Variants in LMOD3 observed in about 807,000 individuals in gnomAD.
LMOD3 encodes leiomodin 3, also known as leiomodin-3.
In LMOD3, 31 loss-of-function variants were observed where a neutral mutation model predicts 41.8. The ratio of observed to expected loss-of-function variants is 0.74; its 90% CI spans 0.56 to 1.00. The LOEUF (loss-of-function observed/expected upper bound fraction) is 1.00. Ranked by LOEUF, LMOD3 falls within the 50% of genes least tolerant of loss-of-function variation. LMOD3 has a pLI of 0.00. For missense variants in LMOD3, 755 were observed against 679.5 expected (o/e 1.11, Z -1.23); for synonymous variants, 292 against 241.9 (o/e 1.21, Z -1.92).
chr3:69,110,374 T>C (rs112700223), intron 2 of LMOD3, among the ~76,000 whole-genome samples: 1,803 of 151,482 alleles, frequency 0.012, 27 homozygotes, highest in African/African-American at 0.042. Flanking sequence ...GGACTACAGG[T>C]GCATGCCACC....
At chr3:69,109,646 G>C (rs748583109) in intron 2 of LMOD3, among the ~76,000 whole-genome samples, 1 of 148,260 alleles carries the variant, frequency 6.7e-6, no homozygotes, top group Non-Finnish European at 1.5e-5. Flanking sequence ...TCCTGCCTCA[G>C]CCTCCCAAGT....
chr3:69,112,913 T>C (rs1039487723), intron 2 of LMOD3, among the ~76,000 whole-genome samples: 1 of 152,178 alleles, frequency 6.6e-6, no homozygotes. Flanking sequence ...ATAAAAAACC[T>C]TTTTTCCCAC....
chr3:69,118,423 T>G (rs1472977911), intron 2 of LMOD3, among the ~76,000 whole-genome samples: 3 of 152,162 alleles, frequency 2.0e-5, no homozygotes, highest in Non-Finnish European at 4.4e-5. Context: ...ATGAGTTAAT[T>G]CATATAACAA....
At chr3:69,111,611 T>A (rs1027227154) in intron 2 of LMOD3, among the ~76,000 whole-genome samples, 2 of 152,370 alleles carry the variant, frequency 1.3e-5, no homozygotes, top group African/African-American at 4.8e-5. Context: ...AGGATCTCAC[T>A]GTCACCCAGG....
In LMOD3 at chr3:69,108,896, C is replaced by T. The variant is rs997235035; in HGVS notation, c.*199G>A. On this transcript the variant is annotated 3_prime_UTR_variant, in exon 3 of 3. Coordinates refer to ENST00000420581, the MANE Select transcript of LMOD3 (RefSeq NM_198271.5). The stretch of plus-strand genomic sequence containing the variant: ...ATTGCCTCTAAATATTATATTTTAT[C>T]TCCTTCCACCTTCCTCTTCAGCCCC... 2.3e-6 allele frequency: 1 copy of T among 440,108 alleles called. No homozygotes were observed. Among genetic ancestry groups the T allele is most frequent in the African/African-American group, 2.0e-5 (1 of 49,472 alleles). 27.3% of individuals were successfully genotyped at this position (440,108 alleles called of 1,614,324 possible). A position where few individuals can be genotyped will look rare whatever the true frequency, so the allele number is the denominator to read the frequency against.
At position 69,118,927 on chromosome 3, in the gene LMOD3, C is replaced by T. The variant is rs367573665; in HGVS notation, c.1428G>A (p.Pro476=). The T allele has an allele frequency of 6.6e-5, 107 of 1,611,764 alleles. No individual in the cohort carries two copies. The highest frequency in any genetic ancestry group is 8.1e-5 in the Non-Finnish European group (95 of 1,179,548). The part of the protein sequence containing the change: ...SEMMKKPSQA[P]KYRTDPDSFR... ...AGGAGTCAGGGTCTGTCCTGTACTT[C>T]GGGGCCTGCGATGGCTTTTTCATCA... Residue 476 remains proline (P), a synonymous_variant, in exon 2 of 3, where the codon CCG becomes CCA. Coordinates refer to ENST00000420581, the MANE Select transcript of LMOD3 (RefSeq NM_198271.5).
At chr3:69,111,354 G>C (rs991557752) in intron 2 of LMOD3, among the ~76,000 whole-genome samples, 3 of 152,234 alleles carry the variant, frequency 2.0e-5, no homozygotes, top group East Asian at 1.9e-4. Flanking sequence ...TTTGAGAAGA[G>C]AGGGGTATGA....
chr3:69,118,286 A>G (rs760115683), intron 2 of LMOD3, among the ~76,000 whole-genome samples: 4 of 152,168 alleles, frequency 2.6e-5, no homozygotes, highest in African/African-American at 4.8e-5. Flanking sequence ...CCGGGTTTCA[A>G]TGTCAGCTCT....
In LMOD3 at chr3:69,109,161, C is replaced by T. The variant is rs2107519721; in HGVS notation, c.1657-40G>A. The T allele has an allele frequency of 2.5e-6, 4 of 1,582,662 alleles. No homozygotes were observed. The East Asian group carries it at 9.1e-5, about 36-fold the overall frequency. On this transcript the variant is annotated intron_variant, in intron 2 of 2. Coordinates refer to ENST00000420581, the MANE Select transcript of LMOD3 (RefSeq NM_198271.5). ...TTTGAGGAAACGGGGGAAATTAATC[C>T]TGGAAATTTAAGAGCTTTGCAGCAA...
chr3:69,113,523 A>G (rs2092358563), intron 2 of LMOD3, among the ~76,000 whole-genome samples: 1 of 152,236 alleles, frequency 6.6e-6, no homozygotes, highest in South Asian at 2.1e-4. Flanking sequence ...TAATCATAAC[A>G]ACCCCTAATG....
In LMOD3 at chr3:69,107,256, A is replaced by T. The variant is rs926904667; in HGVS notation, c.*1839T>A. On this transcript the variant is annotated 3_prime_UTR_variant, in exon 3 of 3. Transcript: ENST00000420581. ...ACTTTTGTACATACTAAATTATCTT[A>T]AAAAAATAGAAACGCCATATTTCTT... The T allele has an allele frequency of 5.3e-5, 8 of 151,976 alleles. No homozygotes were observed. The highest frequency in any genetic ancestry group is 4.6e-4 in the Admixed American group (7 of 15,258). The allele number at this position is 151,976 out of a possible 1,614,324, so 9.4% of individuals were successfully genotyped here.
intron 1 of LMOD3, among the ~76,000 whole-genome samples, chr3:69,121,565 G>A (rs2092407805): frequency 6.6e-6 from 1 of 152,196 alleles, no homozygotes; most frequent in African/African-American, 2.4e-5. Context: ...TGTCATCACT[G>A]ACAGCCAATA....
chr3:69,115,418 G>A (rs1037839819), intron 2 of LMOD3, among the ~76,000 whole-genome samples: 5 of 151,580 alleles, frequency 3.3e-5, no homozygotes, highest in African/African-American at 1.2e-4. Context: ...GGAGGTTGAG[G>A]CTGCAGTGAG....
chr3:69,115,230 C>A (rs548013726), intron 2 of LMOD3, among the ~76,000 whole-genome samples: 1 of 152,160 alleles, frequency 6.6e-6, no homozygotes, highest in African/African-American at 2.4e-5. Flanking sequence ...GCCTGTAATC[C>A]CGCCACTTTG....
rs1390964869 is a variant in LMOD3, at chr3:69,107,205, A to T, written c.*1890T>A. On this transcript the variant is annotated 3_prime_UTR_variant, in exon 3 of 3. Transcript: ENST00000420581. The stretch of plus-strand genomic sequence containing the variant: ...GGGTGAGAAAACAAAACTATCAGCC[A>T]TTGAAAACTATATTTAAATTTGGAT... 6.6e-6 allele frequency: 1 copy of T among 152,002 alleles called. No individual in the cohort carries two copies. Among genetic ancestry groups the T allele is most frequent in the Admixed American group, 6.6e-5 (1 of 15,260 alleles). The allele number at this position is 152,002 out of a possible 1,614,324, so 9.4% of individuals were successfully genotyped here. A position where few individuals can be genotyped will look rare whatever the true frequency, so the allele number is the denominator to read the frequency against.
At position 69,122,155 on chromosome 3, in the gene LMOD3, C is replaced by T. The variant is rs1204833792; in HGVS notation, c.232G>A (p.Glu78Lys). 6.2e-7 allele frequency: 1 copy of T among 1,612,756 alleles called. No homozygotes were observed. The highest frequency in any genetic ancestry group is 8.5e-7 in the Non-Finnish European group (1 of 1,179,490). ...HKSLVDYMYWEKASRRMLEEE... is the reference protein window; with the variant it reads ...HKSLVDYMYWKKASRRMLEEE... ...TCCAGCATGCGCCTGGATGCCTTTT[C>T]CCAATACATATAATCAACAAGAGAT... The change falls in exon 1 of 3, where the codon GAA becomes AAA. Residue 78 changes from glutamate (E) to lysine (K), a missense_variant. Transcript: ENST00000420581.
intron 2 of LMOD3, among the ~76,000 whole-genome samples, chr3:69,110,405 T>G (rs913343146): frequency 1.3e-5 from 2 of 151,476 alleles, no homozygotes; most frequent in Non-Finnish European, 2.9e-5. Flanking sequence ...AATTTTTGTA[T>G]TTTTAGTAGA....
At chr3:69,120,923 A>G (rs1185372585) in intron 1 of LMOD3, among the ~76,000 whole-genome samples, 1 of 152,168 alleles carries the variant, frequency 6.6e-6, no homozygotes, top group African/African-American at 2.4e-5. Flanking sequence ...GGCCTCATAG[A>G]TATCATTTTG....
Position 69,108,871 on chromosome 3 carries a change from A to G in LMOD3, c.*224T>C. 1 of 400,330 alleles carries G rather than the reference A, an allele frequency of 2.5e-6. No individual in the cohort carries two copies. The highest frequency in any genetic ancestry group is 4.4e-6 in the Non-Finnish European group (1 of 226,472). The allele number at this position is 400,330 out of a possible 1,614,324, so 24.8% of individuals were successfully genotyped here. A position where few individuals can be genotyped will look rare whatever the true frequency, so the allele number is the denominator to read the frequency against. ...CTCAAATTGATTGCAAGTAGAAAAT[A>G]TTGCCTCTAAATATTATATTTTATC... On this transcript the variant is annotated 3_prime_UTR_variant, in exon 3 of 3. Transcript: ENST00000420581.
Sources: gnomAD v4.1 joint callset for allele counts (sites outside exome capture counted in the v4.1 genomes callset) on GRCh38, gnomAD v4.1.1 for gene constraint, MANE v1.5 for transcripts, NCBI Gene and HGNC (gene_info 2026-07-23, HGNC 2026-07-21) for gene names.